Variants in PTP4A1 observed in about 807,000 individuals in gnomAD.
PTP4A1 encodes protein tyrosine phosphatase 4A1.
PTP4A1 carries 9 observed loss-of-function variants against 20.5 expected under a neutral mutation model. The observed-to-expected ratio is 0.44, with a 90% CI of 0.26 to 0.77. The LOEUF (loss-of-function observed/expected upper bound fraction) is 0.77, where lower values mean the gene tolerates loss of function less well. Among genes scored for constraint, PTP4A1 ranks in the 30% least tolerant of loss-of-function variants. The pLI, the probability that PTP4A1 is intolerant of heterozygous loss-of-function variation, is 0.19. For synonymous variants in PTP4A1, 78 were observed against 67.4 expected (o/e 1.16, Z -0.77); for missense variants, 137 against 218.8 (o/e 0.63, Z 2.36).
chr6:63,527,521 C>G (rs971962192), intron 1 of PTP4A1, among the ~76,000 whole-genome samples: 1 of 152,096 alleles, frequency 6.6e-6, no homozygotes, highest in African/African-American at 2.4e-5. Flanking sequence ...ATCTAATGTG[C>G]TTTATACTGT....
chr6:63,550,677 T>G (rs559974711), intron 3 of PTP4A1, among the ~76,000 whole-genome samples: 3 of 149,494 alleles, frequency 2.0e-5, no homozygotes, highest in African/African-American at 7.4e-5. Context: ...CAGGCTGGAG[T>G]GCAGTGGCAT....
chr6:63,579,081 T>C (rs1406574873), intron 4 of PTP4A1, 53 bp downstream of exon 4: 1 of 1,494,280 alleles, frequency 6.7e-7, no homozygotes, highest in Non-Finnish European at 8.9e-7. Flanking sequence ...ATAATGAAAA[T>C]ACAGAAACTT....
At chr6:63,573,085 C>T (rs919637767) in intron 1 of PTP4A1, among the ~76,000 whole-genome samples, 10 of 152,138 alleles carry the variant, frequency 6.6e-5, no homozygotes, top group South Asian at 4.1e-4. Flanking sequence ...GCTTTGTGAC[C>T]GCCGCCTCCG....
chr6:63,527,470 A>G (rs191940839), intron 1 of PTP4A1, among the ~76,000 whole-genome samples: 53 of 152,274 alleles, frequency 3.5e-4, no homozygotes, highest in Admixed American at 3.3e-3. Context: ...TATGTTGTAG[A>G]TATCTCAAAA....
chr6:63,548,684 T>G (rs1441875766), intron 2 of PTP4A1: 1 of 515,036 alleles, frequency 1.9e-6, no homozygotes, highest in Non-Finnish European at 3.5e-6. Context: ...TATTTTTATG[T>G]ACAGAAAACT....
intron 3 of PTP4A1, among the ~76,000 whole-genome samples, chr6:63,556,819 A>C (rs1475896258): frequency 2.0e-5 from 3 of 152,206 alleles, no homozygotes; most frequent in Admixed American, 6.5e-5. Flanking sequence ...AAATGCCCAA[A>C]TATAACAAGC....
intron 3 of PTP4A1, among the ~76,000 whole-genome samples, chr6:63,556,961 G>A (rs1230199951): frequency 6.6e-6 from 1 of 152,140 alleles, no homozygotes; most frequent in Non-Finnish European, 1.5e-5. Flanking sequence ...CAGGGTTTCT[G>A]TTGTCTACCA....
At chr6:63,544,855 G>A (rs2149486078) in intron 2 of PTP4A1, among the ~76,000 whole-genome samples, 1 of 152,198 alleles carries the variant, frequency 6.6e-6, no homozygotes, top group African/African-American at 2.4e-5. Flanking sequence ...TTGGTCACTT[G>A]GTCATGGTGA....
chr6:63,537,620 T>C (rs142700339), intron 2 of PTP4A1, among the ~76,000 whole-genome samples: 103 of 152,380 alleles, frequency 6.8e-4, no homozygotes, highest in African/African-American at 2.4e-3. Context: ...TTTGTTTTAC[T>C]TCTTTTTACA....
intron 3 of PTP4A1, among the ~76,000 whole-genome samples, chr6:63,558,189 G>A (rs1365685900): frequency 1.3e-5 from 2 of 152,082 alleles, no homozygotes; most frequent in African/African-American, 4.8e-5. Context: ...TTTTTAAAAT[G>A]CAGGGTGGAT....
chr6:63,572,361 A>C, upstream of PTP4A1: 2 of 292,916 alleles, frequency 6.8e-6, no homozygotes, highest in Non-Finnish European at 1.3e-5. Context: ...TGACGTCCGG[A>C]GGGGGCGGGC....
At chr6:63,526,444 G>A (rs1023915214) in intron 1 of PTP4A1, among the ~76,000 whole-genome samples, 1 of 151,930 alleles carries the variant, frequency 6.6e-6, no homozygotes, top group African/African-American at 2.4e-5. Context: ...CCCAGAATCA[G>A]AGCCAATCCA....
chr6:63,576,632 G>GT lies in PTP4A1; in HGVS notation c.-247dup, dbSNP rs1777882042. ...GAAATCCACAGAGCATTTTACAAGA[G>GT]TTCTGACCTGGATGGGGTAAACCTC... On this transcript the variant is annotated 5_prime_UTR_variant, in exon 2 of 6. Coordinates refer to ENST00000626021, the MANE Select transcript of PTP4A1 (RefSeq NM_003463.5). 5 of 521,480 alleles carry GT rather than the reference G, an allele frequency of 9.6e-6. No homozygotes were observed. In the South Asian group the frequency reaches 1.5e-4, roughly 16 times the overall value. The allele number at this position is 521,480 out of a possible 1,614,324, so 32.3% of individuals were successfully genotyped here. A position where few individuals can be genotyped will look rare whatever the true frequency, so the allele number is the denominator to read the frequency against.
chr6:63,549,381 C>T (rs1472874654), intron 2 of PTP4A1: 1 of 754,194 alleles, frequency 1.3e-6, no homozygotes, highest in East Asian at 2.4e-5. Flanking sequence ...GCTGAATGTC[C>T]TGTCCAATGT....
chr6:63,552,715 G>A lies in PTP4A1; in HGVS notation c.-446+2222G>A, dbSNP rs186609054. 1.1e-3 allele frequency among the ~76,000 whole-genome samples: 166 copies of A among 152,244 alleles called. 7 individuals carry two copies. The East Asian group carries it at 0.028, about 25-fold the overall frequency. The stretch of plus-strand genomic sequence containing the variant: ...CCATCTTGAATTAATTTTTGTATAA[G>A]GTGTAAGGAAGGGATCCAGTTTCAG... On this transcript the variant is annotated intron_variant, in intron 3 of 3. Coordinates refer to the PTP4A1 transcript ENST00000639568.
intron 2 of PTP4A1, among the ~76,000 whole-genome samples, chr6:63,529,677 A>G (rs1467532464): frequency 1.3e-5 from 2 of 152,212 alleles, no homozygotes; most frequent in Non-Finnish European, 2.9e-5. Context: ...AAAGTTAGAA[A>G]ACTAAAAGTT....
intron 3 of PTP4A1, among the ~76,000 whole-genome samples, chr6:63,554,415 G>A (rs1465141394): frequency 3.3e-5 from 5 of 152,084 alleles, no homozygotes; most frequent in African/African-American, 1.2e-4. Flanking sequence ...TGTTTCAAGG[G>A]CTTTACCTCC....
At chr6:63,540,347 A>C (rs759225353) in intron 2 of PTP4A1, among the ~76,000 whole-genome samples, 17 of 152,274 alleles carry the variant, frequency 1.1e-4, no homozygotes, top group Non-Finnish European at 2.4e-4. Context: ...AAATCCAGGC[A>C]CAATGGGTCA....
chr6:63,558,548 G>C (rs1776788161), intron 3 of PTP4A1, among the ~76,000 whole-genome samples: 1 of 152,178 alleles, frequency 6.6e-6, no homozygotes, highest in Non-Finnish European at 1.5e-5. Context: ...GGTCTCATGG[G>C]GGAAGAGAGA....
Sources: allele counts gnomAD v4.1 joint callset (sites outside exome capture counted in the v4.1 genomes callset), GRCh38; gene constraint gnomAD v4.1.1; transcripts MANE v1.5; gene names NCBI Gene and HGNC (gene_info 2026-07-23, HGNC 2026-07-21).